ACTN1: variants seen among roughly 807,000 people sequenced by gnomAD.
ACTN1 encodes alpha-actinin-1.
In ACTN1, 30 loss-of-function variants were observed where a neutral mutation model predicts 119.6. That is an observed-to-expected ratio of 0.25 (90% confidence interval 0.19 to 0.34). The LOEUF (loss-of-function observed/expected upper bound fraction) is 0.34. ACTN1 is among the 10% of genes least tolerant of loss of function. The probability of loss-of-function intolerance (pLI) is 1.00; values close to 1 mark genes in which losing one functional copy is unlikely to be tolerated. For synonymous variants in ACTN1, 429 were observed against 472.6 expected (o/e 0.91, Z 1.20); for missense variants, 764 against 1,223.4 (o/e 0.62, Z 5.60).
intron 1 of ACTN1, among the ~76,000 whole-genome samples, chr14:68,956,964 A>AT (rs1566672526): frequency 6.6e-6 from 1 of 151,988 alleles, no homozygotes; most frequent in African/African-American, 2.4e-5. Context: ...GCATCACGAG[A>AT]TCCCAACAGG....
chr14:68,883,135 T>C, intron 14 of ACTN1, 80 bp from the exon 15 acceptor site: 1 of 1,448,074 alleles, frequency 6.9e-7, no homozygotes, highest in South Asian at 1.2e-5. Flanking sequence ...GAGGTTGAGT[T>C]CCACACCAGC....
chr14:68,948,764 C>A (rs914900797), intron 1 of ACTN1, among the ~76,000 whole-genome samples: 1 of 152,082 alleles, frequency 6.6e-6, no homozygotes, highest in Admixed American at 6.5e-5. Flanking sequence ...GAAGTACAGG[C>A]TACCAGACCA....
chr14:68,874,762 G>T lies in ACTN1; in HGVS notation c.*97C>A. ...TGGGCCCCAGCTCACCCGGGTGGAG[G>T]CTGGGAGCTGAAACCGAACCCAGGC... On this transcript the variant is annotated 3_prime_UTR_variant, in exon 22 of 22. Transcript: ENST00000394419. 2 of 1,298,614 alleles carry T rather than the reference G, an allele frequency of 1.5e-6. No homozygotes were observed. The highest frequency in any genetic ancestry group is 2.6e-5 in the East Asian group (1 of 38,740). 80.4% of individuals were successfully genotyped at this position (1,298,614 alleles called of 1,614,324 possible).
intron 1 of ACTN1, among the ~76,000 whole-genome samples, chr14:68,954,669 A>G (rs113927213): frequency 2.6e-5 from 4 of 152,246 alleles, no homozygotes; most frequent in Non-Finnish European, 4.4e-5. Context: ...TCAGCTGGAC[A>G]GTTTCCTTAG....
intron 1 of ACTN1, among the ~76,000 whole-genome samples, chr14:68,970,301 C>T (rs2036841519): frequency 6.6e-6 from 1 of 152,194 alleles, no homozygotes; most frequent in South Asian, 2.1e-4. Context: ...CCACTTGGTG[C>T]TGATCTCTGA....
At chr14:68,881,260 G>A (rs1386473054) in intron 16 of ACTN1, 17 of 400,456 alleles carry the variant, frequency 4.2e-5, no homozygotes, top group Non-Finnish European at 6.8e-5. Context: ...TCAGAAAGGG[G>A]ATGCAGGGTC....
At chr14:68,884,020 T>G (rs1200519318) in intron 14 of ACTN1, 148 bp downstream of exon 14, 2 of 854,780 alleles carry the variant, frequency 2.3e-6, no homozygotes, top group Non-Finnish European at 3.4e-6. Flanking sequence ...TATATTATCT[T>G]GTCAAAATAA....
intron 8 of ACTN1, among the ~76,000 whole-genome samples, chr14:68,895,029 G>C (rs1352784291): frequency 6.6e-6 from 1 of 151,984 alleles, no homozygotes; most frequent in Non-Finnish European, 1.5e-5. Context: ...GGGGTGTGTG[G>C]GGCAGGGGGT....
intron 8 of ACTN1, among the ~76,000 whole-genome samples, chr14:68,899,056 ACACACACCTCACACAC>A (rs1316078915): frequency 2.3e-5 from 3 of 128,542 alleles, no homozygotes; most frequent in Non-Finnish European, 4.9e-5. Flanking sequence ...ACCTCACACC[ACACACACCTCACACAC>A]CACACACACA....
rs771834127 is a variant in ACTN1, at chr14:68,904,615, G to A, written c.676+40C>T. On this transcript the variant is annotated intron_variant, in intron 7 of 21. Transcript: ENST00000394419. ...CCTTCTTAGCCGCTGAGTGGCAGGT[G>A]GGCGATGGGCAAGAGACACAGAAGG... 4 of 1,585,914 alleles carry A rather than the reference G, an allele frequency of 2.5e-6. No individual in the cohort carries two copies. In the South Asian group the frequency reaches 3.3e-5, roughly 13 times the overall value.
intron 16 of ACTN1, among the ~76,000 whole-genome samples, chr14:68,881,694 G>A (rs563176205): frequency 5.3e-5 from 8 of 152,032 alleles, no homozygotes; most frequent in African/African-American, 1.7e-4. Flanking sequence ...GCCAAGCAGG[G>A]CCTCTTTCCT....
intron 1 of ACTN1, among the ~76,000 whole-genome samples, chr14:68,958,394 G>A (rs2036422251): frequency 6.6e-6 from 1 of 152,144 alleles, no homozygotes; most frequent in Non-Finnish European, 1.5e-5. Context: ...TGAACCAGGT[G>A]TGTGCACCAG....
intron 1 of ACTN1, among the ~76,000 whole-genome samples, chr14:68,930,774 G>A (rs1397547770): frequency 6.6e-6 from 1 of 152,204 alleles, no homozygotes; most frequent in Admixed American, 6.5e-5. Context: ...TATTGGAGGA[G>A]TCAATGAGAC....
intron 6 of ACTN1, among the ~76,000 whole-genome samples, chr14:68,907,133 G>T (rs530730000): frequency 3.3e-4 from 49 of 149,700 alleles, no homozygotes; most frequent in African/African-American, 1.1e-3. Flanking sequence ...ATTAGCCTGG[G>T]TGCCTGTTAT....
chr14:68,945,686 G>A (rs561112380), intron 1 of ACTN1, among the ~76,000 whole-genome samples: 8 of 152,342 alleles, frequency 5.3e-5, no homozygotes, highest in African/African-American at 1.9e-4. Context: ...AGGAGGGGCA[G>A]AGGCCACACC....
chr14:68,953,433 T>A (rs1299594161), intron 1 of ACTN1, among the ~76,000 whole-genome samples: 1 of 152,030 alleles, frequency 6.6e-6, no homozygotes, highest in Admixed American at 6.6e-5. Context: ...ACATCTTATC[T>A]CCCCAGCAAA....
At chr14:68,901,719 A>G (rs758622211) in intron 8 of ACTN1, among the ~76,000 whole-genome samples, 3 of 152,142 alleles carry the variant, frequency 2.0e-5, no homozygotes, top group Non-Finnish European at 4.4e-5. Context: ...AAAATGTTCA[A>G]ATCTTCAATG....
intron 3 of ACTN1, among the ~76,000 whole-genome samples, chr14:68,915,685 TCCAGGGCAGGGC>T (rs1220952008): frequency 2.6e-5 from 4 of 152,164 alleles, no homozygotes; most frequent in African/African-American, 9.7e-5. Flanking sequence ...CTCAGTCTCT[TCCAGGGCAGGGC>T]CCAGGCCTGG....
chr14:68,878,894 A>T lies in ACTN1; in HGVS notation c.2361+95T>A. 1 of 1,601,384 alleles carries T rather than the reference A, an allele frequency of 6.2e-7. No homozygotes were observed. Among genetic ancestry groups the T allele is most frequent in the Non-Finnish European group, 8.5e-7 (1 of 1,178,182 alleles). On this transcript the variant is annotated intron_variant, in intron 19 of 21. Coordinates refer to ENST00000394419, the MANE Select transcript of ACTN1 (RefSeq NM_001130004.2). This position sits in a 1 kb window ranked among gnomAD's most constrained non-coding sequence, Gnocchi z 4.4. The stretch of plus-strand genomic sequence containing the variant: ...GCCCCATGGCCCACAGGAGGGGGAC[A>T]GGAGATCCAGACAGAGAGAAGAGAA...
Sources: gnomAD v4.1 joint callset for allele counts (sites outside exome capture counted in the v4.1 genomes callset) on GRCh38, gnomAD v4.1.1 for gene constraint, Gnocchi (gnomAD v3.1) non-coding constraint, MANE v1.5 for transcripts, NCBI Gene and HGNC (gene_info 2026-07-23, HGNC 2026-07-21) for gene names.